Variants in PIEZO2 observed in about 807,000 individuals in gnomAD.
PIEZO2 encodes the protein piezo type mechanosensitive ion channel component 2.
Under a neutral mutation model 337.3 loss-of-function variants are expected in PIEZO2, and 172 were observed. The observed-to-expected ratio is 0.51, with a 90% CI of 0.45 to 0.58. The LOEUF (loss-of-function observed/expected upper bound fraction) is 0.58. Among genes scored for constraint, PIEZO2 ranks in the 20% least tolerant of loss-of-function variants. The pLI, the probability that PIEZO2 is intolerant of heterozygous loss-of-function variation, is 0.00. For synonymous variants in PIEZO2, 1,251 were observed against 1,228.5 expected (o/e 1.02, Z -0.38); for missense variants, 3,028 against 3,391.3 (o/e 0.89, Z 2.66).
chr18:10,709,715 T>A (rs991506325), intron 39 of PIEZO2: 2 of 152,170 alleles, frequency 1.3e-5, no homozygotes, highest in Admixed American at 1.3e-4. Context: ...GTTTTTCAGG[T>A]CCCATGTGCT....
At chr18:10,874,603 A>G (rs114395518) in intron 4 of PIEZO2, among the ~76,000 whole-genome samples, 2,179 of 152,262 alleles carry the variant, frequency 0.014, 64 homozygotes, top group African/African-American at 0.05. Flanking sequence ...TCAAGAAAAT[A>G]TGCTGTATAT....
Position 10,872,832 on chromosome 18 carries a change from G to T in PIEZO2, c.330-1417C>A, listed in dbSNP as rs1412011374. Among the ~76,000 whole-genome samples, 1 of 152,158 alleles carries T rather than the reference G, an allele frequency of 6.6e-6. No homozygotes were observed. Among genetic ancestry groups the T allele is most frequent in the African/African-American group, 2.4e-5 (1 of 41,448 alleles). On this transcript the variant is annotated intron_variant, in intron 4 of 55. Coordinates refer to ENST00000674853, the MANE Select transcript of PIEZO2 (RefSeq NM_001378183.1). The surrounding 1 kb of genome is among the most constrained non-coding windows in gnomAD (Gnocchi z 4.3). Reference sequence around the variant, plus strand: ...ATGAAGAAAAAGTTATACAGACTTAGGTTTACAAAATGAGTTTAAAATAGG... The same window carrying T: ...ATGAAGAAAAAGTTATACAGACTTATGTTTACAAAATGAGTTTAAAATAGG...
At chr18:10,960,923 A>G (rs1217557222) in intron 3 of PIEZO2, among the ~76,000 whole-genome samples, 1 of 152,168 alleles carries the variant, frequency 6.6e-6, no homozygotes, top group Non-Finnish European at 1.5e-5. Flanking sequence ...TCATGCCTGT[A>G]ATCCCAGCAC....
At position 10,671,834 on chromosome 18, in the gene PIEZO2, G is replaced by A. The variant is rs1598337060; in HGVS notation, c.8346-55C>T. ...ACAGCAGTTAAATATAGTTAATAAAGAAAAGCATGTCTAAAAGAAAAAAAT... is the reference window on the plus strand; with the variant it reads ...ACAGCAGTTAAATATAGTTAATAAAAAAAAGCATGTCTAAAAGAAAAAAAT... On this transcript the variant is annotated intron_variant, in intron 55 of 55. Coordinates refer to ENST00000674853, the MANE Select transcript of PIEZO2 (RefSeq NM_001378183.1). 5.6e-6 allele frequency: 8 copies of A among 1,417,676 alleles called. No individual in the cohort carries two copies. The South Asian group carries it at 1.1e-4, about 19-fold the overall frequency. 87.8% of individuals were successfully genotyped at this position (1,417,676 alleles called of 1,614,324 possible).
At chr18:10,738,524 T>G (rs1427404313) in intron 33 of PIEZO2, 1 of 152,184 alleles carries the variant, frequency 6.6e-6, no homozygotes, top group Admixed American at 6.6e-5. Context: ...AAAATGTTAT[T>G]GAAATGAAAC....
At chr18:11,089,073 C>T (rs2146028155) in intron 1 of PIEZO2, among the ~76,000 whole-genome samples, 1 of 152,164 alleles carries the variant, frequency 6.6e-6, no homozygotes, top group East Asian at 1.9e-4. Context: ...TGTGTGCATC[C>T]TCTTTACTAG....
chr18:10,719,646 T>C (rs2036172418), intron 36 of PIEZO2, among the ~76,000 whole-genome samples: 1 of 152,218 alleles, frequency 6.6e-6, no homozygotes, highest in South Asian at 2.1e-4. Flanking sequence ...TTGTGAATAG[T>C]GCTACAATAA....
rs182564366 is a variant in PIEZO2, at chr18:11,129,929, C to T, written c.64+18596G>A. Reference sequence around the variant, plus strand: ...CCAGCCTCATCCTGTGGTCATTTCCCCAATGCCAGAATGCATAATTGACAT... The same window carrying T: ...CCAGCCTCATCCTGTGGTCATTTCCTCAATGCCAGAATGCATAATTGACAT... On this transcript the variant is annotated intron_variant, in intron 1 of 55. Coordinates refer to ENST00000674853, the MANE Select transcript of PIEZO2 (RefSeq NM_001378183.1). This position sits in a 1 kb window ranked among gnomAD's most constrained non-coding sequence, Gnocchi z 4.6. 1.3e-3 allele frequency among the ~76,000 whole-genome samples: 199 copies of T among 152,224 alleles called. 1 individual carries two copies. The Middle Eastern group carries it at 0.014, about 10-fold the overall frequency.
chr18:11,145,961 G>A (rs2040800316), intron 1 of PIEZO2, among the ~76,000 whole-genome samples: 1 of 152,104 alleles, frequency 6.6e-6, no homozygotes, highest in Non-Finnish European at 1.5e-5. Context: ...ACAGGTTCCA[G>A]GCTGAGCAAG....
At chr18:10,858,130 G>A (rs1370140329) in intron 5 of PIEZO2, among the ~76,000 whole-genome samples, 1 of 150,386 alleles carries the variant, frequency 6.6e-6, no homozygotes, top group East Asian at 2.0e-4. Flanking sequence ...GACCATCCTG[G>A]CCAACATGGT....
At chr18:10,756,177 T>G (rs1598436912) in intron 27 of PIEZO2, among the ~76,000 whole-genome samples, 11 of 110,544 alleles carry the variant, frequency 1.0e-4, no homozygotes, top group East Asian at 2.8e-4. Context: ...GAAGGAGGGA[T>G]GAGGATGAGG....
intron 2 of PIEZO2, among the ~76,000 whole-genome samples, chr18:11,046,085 C>A (rs1332289245): frequency 6.6e-6 from 1 of 152,190 alleles, no homozygotes; most frequent in East Asian, 1.9e-4. Flanking sequence ...TGTCCCCTAA[C>A]CTCCTCCCCC....
In PIEZO2 at chr18:10,988,280, G is replaced by C. The variant is rs536871611; in HGVS notation, c.161-8620C>G. 1.1e-4 allele frequency among the ~76,000 whole-genome samples: 17 copies of C among 152,266 alleles called. No homozygotes were observed. The South Asian group carries it at 3.1e-3, about 28-fold the overall frequency. On this transcript the variant is annotated intron_variant, in intron 2 of 55. Coordinates refer to ENST00000674853, the MANE Select transcript of PIEZO2 (RefSeq NM_001378183.1). The surrounding 1 kb of genome is among the most constrained non-coding windows in gnomAD (Gnocchi z 4.8). The stretch of plus-strand genomic sequence containing the variant: ...GTCTCACCAGACACCAAAGCTGAAG[G>C]CATGCTGATTTTGGACTTCCCACCC...
intron 7 of PIEZO2, among the ~76,000 whole-genome samples, chr18:10,831,174 G>A (rs114255553): frequency 6.6e-6 from 1 of 152,034 alleles, no homozygotes; most frequent in Non-Finnish European, 1.5e-5. Context: ...CCCACTCCTA[G>A]GTATATATCC....
intron 22 of PIEZO2, 90 bp from the exon 23 acceptor site, chr18:10,762,715 T>G: frequency 1.4e-6 from 2 of 1,445,638 alleles, no homozygotes; most frequent in Non-Finnish European, 1.8e-6. Flanking sequence ...AGCAAAATGA[T>G]AGTGGTAGGA....
At position 11,009,935 on chromosome 18, in the gene PIEZO2, A is replaced by C. The variant is rs947193708; in HGVS notation, c.161-30275T>G. Among the ~76,000 whole-genome samples, 15 of 152,154 alleles carry C rather than the reference A, an allele frequency of 9.9e-5. No individual in the cohort carries two copies. Among genetic ancestry groups the C allele is most frequent in the Non-Finnish European group, 1.8e-4 (12 of 68,028 alleles). On this transcript the variant is annotated intron_variant, in intron 2 of 55. Transcript: ENST00000674853. The surrounding 1 kb of genome is among the most constrained non-coding windows in gnomAD (Gnocchi z 4.6). ...AGAAACCAAGCCTCAAGACACCTTG[A>C]TCTCAAATATCCAGCCTCCAGAATG...
At position 11,099,911 on chromosome 18, in the gene PIEZO2, T is replaced by C. The variant is rs978277550; in HGVS notation, c.65-33689A>G. 1.3e-5 allele frequency among the ~76,000 whole-genome samples: 2 copies of C among 152,244 alleles called. No individual in the cohort carries two copies. Among genetic ancestry groups the C allele is most frequent in the Non-Finnish European group, 1.5e-5 (1 of 68,044 alleles). On this transcript the variant is annotated intron_variant, in intron 1 of 55. Coordinates refer to ENST00000674853, the MANE Select transcript of PIEZO2 (RefSeq NM_001378183.1). This position sits in a 1 kb window ranked among gnomAD's most constrained non-coding sequence, Gnocchi z 5.4. Reference sequence around the variant, plus strand: ...CCAGCTGAGTTGTTATAATCTCTTATGTATCATAGAAACCAAGCCTTTGTT... The same window carrying C: ...CCAGCTGAGTTGTTATAATCTCTTACGTATCATAGAAACCAAGCCTTTGTT...
Position 10,792,579 on chromosome 18 carries a change from G to C in PIEZO2, c.1759-1255C>G, listed in dbSNP as rs377617506. Among the ~76,000 whole-genome samples the C allele has an allele frequency of 3.3e-5, 5 of 152,162 alleles. No homozygotes were observed. The South Asian group carries it at 1.0e-3, about 31-fold the overall frequency. Reference sequence around the variant, plus strand: ...TTTTTACTTAGCATAATGTTTTCTAGGTTGATCCACTGGTAGCATGCACAG... The same window carrying C: ...TTTTTACTTAGCATAATGTTTTCTACGTTGATCCACTGGTAGCATGCACAG... On this transcript the variant is annotated intron_variant, in intron 13 of 55. Transcript: ENST00000674853.
At chr18:10,780,425 A>G (rs1026965568) in intron 17 of PIEZO2, 59 bp from the exon 18 acceptor site, 1 of 702,592 alleles carries the variant, frequency 1.4e-6, no homozygotes, top group South Asian at 1.5e-5. Flanking sequence ...GGAGAGAAAG[A>G]GAGGAGACTG....
Sources: gnomAD v4.1 joint callset for allele counts (sites outside exome capture counted in the v4.1 genomes callset) on GRCh38, gnomAD v4.1.1 for gene constraint, Gnocchi (gnomAD v3.1) non-coding constraint, MANE v1.5 for transcripts, NCBI Gene and HGNC (gene_info 2026-07-23, HGNC 2026-07-21) for gene names.